NAV3: variants seen among roughly 807,000 people sequenced by gnomAD.
The protein encoded by NAV3 is neuron navigator 3.
NAV3 carries 87 observed loss-of-function variants against 244.7 expected under a neutral mutation model. The observed-to-expected ratio is 0.36, with a 90% CI of 0.30 to 0.42. The LOEUF is 0.42. NAV3 is among the 20% of genes least tolerant of loss of function. NAV3 has a pLI of 1.00. For missense variants in NAV3, 2,663 were observed against 2,893.3 expected (o/e 0.92, Z 1.83); for synonymous variants, 1,126 against 1,042.2 (o/e 1.08, Z -1.55).
intron 1 of NAV3, among the ~76,000 whole-genome samples, chr12:77,859,732 A>G (rs1328045005): frequency 7.0e-6 from 1 of 141,946 alleles, no homozygotes; most frequent in African/African-American, 2.5e-5. Context: ...GAGCAGTAAA[A>G]CAAGCATTTC....
chr12:78,109,942 C>A (rs1955004058), intron 12 of NAV3, among the ~76,000 whole-genome samples: 1 of 151,908 alleles, frequency 6.6e-6, no homozygotes, highest in Non-Finnish European at 1.5e-5. Context: ...AAGTCCTAGC[C>A]AAAACAATCA....
At chr12:77,953,395 A>G (rs902426275) in intron 3 of NAV3, among the ~76,000 whole-genome samples, 3 of 152,110 alleles carry the variant, frequency 2.0e-5, no homozygotes, top group African/African-American at 7.2e-5. Flanking sequence ...GTGTGGATAT[A>G]TGTGTGTGTA....
At chr12:77,943,582 G>T (rs1302153881) in intron 3 of NAV3, among the ~76,000 whole-genome samples, 1 of 152,196 alleles carries the variant, frequency 6.6e-6, no homozygotes, top group Non-Finnish European at 1.5e-5. Context: ...CTTTAATTGA[G>T]ACAAGAATGA....
At chr12:77,849,034 A>G (rs1296662550) in intron 1 of NAV3, among the ~76,000 whole-genome samples, 1 of 152,132 alleles carries the variant, frequency 6.6e-6, no homozygotes, top group Non-Finnish European at 1.5e-5. Flanking sequence ...TTTGGTGGCT[A>G]ATCCTTCATA....
chr12:78,005,578 T>C (rs1172323673), intron 7 of NAV3, among the ~76,000 whole-genome samples: 1 of 152,232 alleles, frequency 6.6e-6, no homozygotes, highest in Non-Finnish European at 1.5e-5. Context: ...AAGTATCATG[T>C]GTGCACATTA....
intron 1 of NAV3, among the ~76,000 whole-genome samples, chr12:77,871,355 G>C (rs1042550179): frequency 2.6e-5 from 4 of 151,974 alleles, no homozygotes; most frequent in African/African-American, 9.7e-5. Flanking sequence ...TTGTTATATA[G>C]GTAGACACGT....
chr12:77,831,453 A>G lies in NAV3; in HGVS notation c.-9A>G, dbSNP rs1349955343. The G allele has an allele frequency of 6.3e-7, 1 of 1,576,784 alleles. No homozygotes were observed. The highest frequency in any genetic ancestry group is 1.4e-5 in the African/African-American group (1 of 73,116). ...TCTTTGGCAGCAAGAAGATAATTTT[A>G]TAGAAGCCATGCCTGTTCTTGGGGT... On this transcript the variant is annotated 5_prime_UTR_variant, in exon 1 of 40. Coordinates refer to ENST00000397909, the MANE Select transcript of NAV3 (RefSeq NM_001024383.2).
chr12:77,673,896 T>A (rs1331792247), intron 2 of NAV3, among the ~76,000 whole-genome samples: 3 of 152,150 alleles, frequency 2.0e-5, no homozygotes, highest in Non-Finnish European at 4.4e-5. Context: ...AACTTTTTTT[T>A]AAACCAAATG....
chr12:78,191,439 G>A (rs915230951), intron 34 of NAV3, among the ~76,000 whole-genome samples: 7 of 152,062 alleles, frequency 4.6e-5, no homozygotes, highest in Admixed American at 2.6e-4. Context: ...CAGTGCACGC[G>A]CACATACACA....
intron 22 of NAV3, among the ~76,000 whole-genome samples, chr12:78,151,522 G>A (rs1175259288): frequency 6.6e-6 from 1 of 151,932 alleles, no homozygotes; most frequent in Non-Finnish European, 1.5e-5. Context: ...AGTGAAAAAA[G>A]ACAGTTATAG....
At chr12:77,590,945 A>T (rs1565727780) in intron 2 of NAV3, among the ~76,000 whole-genome samples, 1 of 152,198 alleles carries the variant, frequency 6.6e-6, no homozygotes, top group Non-Finnish European at 1.5e-5. Flanking sequence ...AAGGTGATAA[A>T]CCATGTGAAG....
chr12:77,821,040 A>T (rs1016372713), intron 2 of NAV3, among the ~76,000 whole-genome samples: 5 of 151,472 alleles, frequency 3.3e-5, no homozygotes, highest in Non-Finnish European at 5.9e-5. Context: ...CTTTCTTATT[A>T]TCTGTCTCTG....
rs114348359 is a variant in NAV3, at chr12:78,062,222, A to C, written c.2636+3107A>C. Among the ~76,000 whole-genome samples, 1,264 of 152,270 alleles carry C rather than the reference A, an allele frequency of 8.3e-3. 10 individuals are homozygous for C. The highest frequency in any genetic ancestry group is 0.029 in the African/African-American group (1,195 of 41,578). ...GCTAGCATACTGTAGGAACTCAATA[A>C]ATATATCAGATAAATTGTGGAAATA... On this transcript the variant is annotated intron_variant, in intron 12 of 39. Coordinates refer to ENST00000397909, the MANE Select transcript of NAV3 (RefSeq NM_001024383.2).
intron 2 of NAV3, among the ~76,000 whole-genome samples, chr12:77,734,818 C>G (rs2137360658): frequency 6.6e-6 from 1 of 152,226 alleles, no homozygotes; most frequent in East Asian, 1.9e-4. Context: ...TAACCTTGAC[C>G]AGTTTCTTTT....
chr12:77,827,043 G>A (rs1024920226), upstream of NAV3, among the ~76,000 whole-genome samples: 1 of 152,040 alleles, frequency 6.6e-6, no homozygotes, highest in African/African-American at 2.4e-5. Flanking sequence ...CCAACATGGC[G>A]AAACCCTGGC....
At chr12:78,083,797 C>T (rs751139946) in intron 12 of NAV3, among the ~76,000 whole-genome samples, 2 of 152,112 alleles carry the variant, frequency 1.3e-5, no homozygotes, top group Non-Finnish European at 2.9e-5. Flanking sequence ...CCAGTGCCTG[C>T]AATTCATTGA....
chr12:77,744,953 TG>T (rs1404738748), intron 2 of NAV3, among the ~76,000 whole-genome samples: 1 of 151,612 alleles, frequency 6.6e-6, no homozygotes, highest in African/African-American at 2.4e-5. Context: ...ATCATAAGAG[TG>T]TTGTTTGGTA....
At chr12:77,695,847 AT>A (rs1163146660) in intron 2 of NAV3, among the ~76,000 whole-genome samples, 3 of 152,104 alleles carry the variant, frequency 2.0e-5, no homozygotes, top group African/African-American at 7.2e-5. Context: ...AGTGCCTCAA[AT>A]AAAGAAAGGT....
intron 2 of NAV3, among the ~76,000 whole-genome samples, chr12:77,668,804 G>A (rs1873834712): frequency 6.6e-6 from 1 of 152,044 alleles, no homozygotes; most frequent in African/African-American, 2.4e-5. Flanking sequence ...AGAACCACCT[G>A]GGAAATTCAT....
Sources: gnomAD v4.1 joint callset for allele counts (sites outside exome capture counted in the v4.1 genomes callset) on GRCh38, gnomAD v4.1.1 for gene constraint, MANE v1.5 for transcripts, NCBI Gene and HGNC (gene_info 2026-07-23, HGNC 2026-07-21) for gene names.